NCOR2: variants seen among roughly 807,000 people sequenced by gnomAD.
The protein encoded by NCOR2 is CTG repeat protein 26.
A neutral mutation model predicts 262.9 loss-of-function variants in NCOR2; 81 were observed. The observed-to-expected ratio is 0.31, with a 90% CI of 0.26 to 0.37. The LOEUF (loss-of-function observed/expected upper bound fraction) is 0.37. Among genes scored for constraint, NCOR2 ranks in the 10% least tolerant of loss-of-function variants. NCOR2 has a pLI of 1.00. For synonymous variants in NCOR2, 1,659 were observed against 1,559.3 expected, an observed-to-expected ratio of 1.06 and a Z score of -1.51; for missense variants, 3,385 against 3,621.4, an observed-to-expected ratio of 0.93 and a Z score of 1.68.
At chr12:124,546,166 C>G (rs1420459622) in intron 1 of NCOR2, among the ~76,000 whole-genome samples, 1 of 152,208 alleles carries the variant, frequency 6.6e-6, no homozygotes, top group Non-Finnish European at 1.5e-5. Flanking sequence ...GGGCACGTGG[C>G]TTAACCCTTC....
chr12:124,523,369 C>A lies in NCOR2; in HGVS notation c.-118+12196G>T, dbSNP rs913951017. Among the ~76,000 whole-genome samples, 12 of 152,136 alleles carry A rather than the reference C, an allele frequency of 7.9e-5. No homozygotes were observed. Among genetic ancestry groups the A allele is most frequent in the Non-Finnish European group, 1.5e-4 (10 of 68,024 alleles). Reference sequence around the variant, plus strand: ...GTTCTGGGGCTCCTGGGAACCCACACCCCGGTGGCAGGGGCAGCGGCAGAG... The same window carrying A: ...GTTCTGGGGCTCCTGGGAACCCACAACCCGGTGGCAGGGGCAGCGGCAGAG... On this transcript the variant is annotated intron_variant, in intron 1 of 46. Transcript: ENST00000404621. This position sits in a 1 kb window ranked among gnomAD's most constrained non-coding sequence, Gnocchi z 4.0.
At chr12:124,474,718 G>A (rs2047006811) in intron 3 of NCOR2, among the ~76,000 whole-genome samples, 1 of 152,154 alleles carries the variant, frequency 6.6e-6, no homozygotes. Context: ...TCTTGAATGA[G>A]TTAATGGCTC....
chr12:124,348,262 T>C, exon 29 of NCOR2: 1 of 1,611,700 alleles, frequency 6.2e-7, no homozygotes, highest in East Asian at 2.2e-5. Flanking sequence ...CATGGGGGGG[T>C]CCTGAGCTGC....
chr12:124,525,068 A>G (rs536006294), intron 1 of NCOR2, among the ~76,000 whole-genome samples: 2 of 152,366 alleles, frequency 1.3e-5, no homozygotes, highest in South Asian at 4.1e-4. Context: ...TTCTGCCTTA[A>G]ATGTGAAAAA....
intron 16 of NCOR2, among the ~76,000 whole-genome samples, chr12:124,386,510 C>A (rs899588593): frequency 1.3e-5 from 2 of 152,144 alleles, no homozygotes; most frequent in African/African-American, 4.8e-5. Flanking sequence ...AAGGCCCACT[C>A]AGGACTCGGG....
exon 31 of NCOR2, chr12:124,346,805 C>G: frequency 6.4e-7 from 1 of 1,573,544 alleles, no homozygotes; most frequent in Middle Eastern, 1.7e-4. Flanking sequence ...CTTGGCCTCC[C>G]GACGCAGGTA....
chr12:124,441,032 T>A (rs1024620699), intron 7 of NCOR2, among the ~76,000 whole-genome samples: 1 of 151,880 alleles, frequency 6.6e-6, no homozygotes, highest in Non-Finnish European at 1.5e-5. Context: ...TCCTGCAGGG[T>A]CCTGTGAGTT....
rs1216134350 is a variant in NCOR2 at position 124,344,806 on chromosome 12, G to A, written c.4505C>T (p.Ala1502Val). The change falls in exon 32 of 47, where the codon GCC (alanine) becomes GTC (valine). Residue 1502 changes from alanine (A) to valine (V), a missense_variant. Ala to Val is a moderately conservative substitution (Grantham distance 64, BLOSUM62 0). Around this residue, in one of 5 missense-constraint regions of NCOR2, gnomAD observed 1,615 missense variants for 1,626.9 expected, o/e 0.99. Coordinates refer to ENST00000405201, the Ensembl canonical transcript of NCOR2. ...GCTCTTCAGGCTCTCCTCGTAGCAG[G>A]CACGTTCCAGTGCCCGGGCGTCGGC... 9 of 1,554,030 alleles carry A rather than the reference G, an allele frequency of 5.8e-6. No individual in the cohort carries two copies. Among genetic ancestry groups the A allele is most frequent in the Non-Finnish European group, 7.8e-6 (9 of 1,148,952 alleles).
chr12:124,355,555 C>T (rs1254619573), exon 24 of NCOR2: 1 of 1,580,670 alleles, frequency 6.3e-7, no homozygotes, highest in South Asian at 1.2e-5. Flanking sequence ...CATGGAGGCC[C>T]AGGGGCAGTG....
At chr12:124,326,402 T>G (rs1593055400) in intron 45 of NCOR2, 32 bp from the exon 48 acceptor site, 1 of 1,470,538 alleles carries the variant, frequency 6.8e-7, no homozygotes, top group Non-Finnish European at 9.0e-7. Flanking sequence ...AGGGGCTGCG[T>G]TGGGCAGTGA....
intron 7 of NCOR2, among the ~76,000 whole-genome samples, chr12:124,438,289 C>A (rs538585007): frequency 6.6e-6 from 1 of 152,172 alleles, no homozygotes; most frequent in African/African-American, 2.4e-5. Flanking sequence ...ACATGCACCC[C>A]GGCAGCCACA....
chr12:124,489,054 G>C (rs992210942), intron 1 of NCOR2, among the ~76,000 whole-genome samples: 1 of 152,034 alleles, frequency 6.6e-6, no homozygotes, highest in Non-Finnish European at 1.5e-5. Context: ...CTTGAAGCAG[G>C]TCACCAGGGT....
At chr12:124,450,846 G>A (rs752618877) in intron 6 of NCOR2, among the ~76,000 whole-genome samples, 3 of 152,214 alleles carry the variant, frequency 2.0e-5, no homozygotes, top group Non-Finnish European at 4.4e-5. Context: ...TATTCCATCT[G>A]TGCCTCCATT....
intron 4 of NCOR2, among the ~76,000 whole-genome samples, chr12:124,466,594 GGCTGATT>G (rs1405107338): frequency 1.3e-5 from 2 of 152,248 alleles, no homozygotes; most frequent in East Asian, 3.9e-4. Context: ...CAGTAAACGG[GGCTGATT>G]GCCGTGCCGC....
At chr12:124,340,813 G>A (rs997636996) in intron 34 of NCOR2, 62 bp from the exon 37 acceptor site, 109 of 1,419,796 alleles carry the variant, frequency 7.7e-5, no homozygotes, top group African/African-American at 4.3e-4. Flanking sequence ...GCTGCCCACC[G>A]GCCAGATCAC....
chr12:124,350,621 G>A (rs768449622), exon 28 of NCOR2: 35 of 1,613,820 alleles, frequency 2.2e-5, no homozygotes, highest in African/African-American at 4.0e-5. Context: ...TCTTGCCTTC[G>A]TAGATGACGT....
chr12:124,338,705 T>TG (rs1292595469), intron 37 of NCOR2, among the ~76,000 whole-genome samples: 2 of 151,926 alleles, frequency 1.3e-5, no homozygotes, highest in African/African-American at 4.8e-5. Context: ...TTGCTAAATG[T>TG]GGGGGACCGG....
intron 27 of NCOR2, 95 bp downstream of exon 29, chr12:124,353,998 T>G: frequency 3.4e-5 from 39 of 1,130,888 alleles, no homozygotes; most frequent in Non-Finnish European, 4.7e-5. Flanking sequence ...CCCCATCGGC[T>G]GAGGCTAATG....
At position 124,483,686 on chromosome 12, in the gene NCOR2, G is replaced by T; in HGVS notation, c.321C>A (p.Arg107=). The stretch of plus-strand genomic sequence containing the variant: ...GGTCAGGCAGCAGCTCTAGCCGAGG[G>T]CGCTTGCTTTCAATGAACTCCATCT... The change falls in exon 3 of 47, where the codon CGC becomes CGA. Residue 107 remains arginine (R), a synonymous_variant. Transcript: ENST00000405201. The surrounding 1 kb of genome is among the most constrained non-coding windows in gnomAD (Gnocchi z 6.3). The T allele has an allele frequency of 6.2e-7, 1 of 1,612,096 alleles. No homozygotes were observed. Among genetic ancestry groups the T allele is most frequent in the Non-Finnish European group, 8.5e-7 (1 of 1,179,246 alleles).
Sources: allele counts gnomAD v4.1 joint callset (sites outside exome capture counted in the v4.1 genomes callset), GRCh38; gene constraint gnomAD v4.1.1; regional missense constraint gnomAD v4.1.1; non-coding constraint Gnocchi (gnomAD v3.1); transcripts MANE v1.5; gene names NCBI Gene and HGNC (gene_info 2026-07-23, HGNC 2026-07-21).